BCKDHB: variants seen among roughly 807,000 people sequenced by gnomAD.
BCKDHB encodes the protein branched chain keto acid dehydrogenase E1 subunit beta, also known as 2-oxoisovalerate dehydrogenase subunit beta, mitochondrial.
BCKDHB carries 41 observed loss-of-function variants against 48.5 expected under a neutral mutation model. The ratio of observed to expected loss-of-function variants is 0.85; its 90% CI spans 0.66 to 1.10. BCKDHB has a LOEUF of 1.10. Among genes scored for constraint, BCKDHB ranks in the 50% least tolerant of loss-of-function variants. BCKDHB has a pLI of 0.00. For synonymous variants in BCKDHB, 201 were observed against 174.8 expected (o/e 1.15, Z -1.18); for missense variants, 496 against 494.2 (o/e 1.00, Z -0.03).
chr6:80,266,990 ACC>A (rs1470845406), intron 8 of BCKDHB, among the ~76,000 whole-genome samples: 1 of 151,312 alleles, frequency 6.6e-6, no homozygotes, highest in African/African-American at 2.4e-5. Flanking sequence ...GACCACCACC[ACC>A]CCCCGCCCAT....
At chr6:80,142,382 A>G (rs939136125) in intron 3 of BCKDHB, among the ~76,000 whole-genome samples, 1 of 152,076 alleles carries the variant, frequency 6.6e-6, no homozygotes, top group Non-Finnish European at 1.5e-5. Flanking sequence ...ATGTCAGGTA[A>G]TGTGTGACTT....
chr6:80,428,604 G>T, the BCKDHB span, among the ~76,000 whole-genome samples: 1 of 152,084 alleles, frequency 6.6e-6, no homozygotes, highest in Admixed American at 6.5e-5. Flanking sequence ...ATTTTGATTA[G>T]CATTTCTCTA....
intron 9 of BCKDHB, among the ~76,000 whole-genome samples, chr6:80,318,102 C>G (rs1413990648): frequency 6.6e-6 from 1 of 152,146 alleles, no homozygotes; most frequent in Non-Finnish European, 1.5e-5. Context: ...AATCCACAAC[C>G]TTATCATTCC....
the BCKDHB span, among the ~76,000 whole-genome samples, chr6:80,382,642 G>A: frequency 0.96 from 145,407 of 152,144 alleles, 69,850 homozygotes; most frequent in Middle Eastern, 1. Context: ...ATTCTTCCCA[G>A]TTCTCTCTTT....
chr6:80,440,714 A>G, the BCKDHB span: 3 of 151,158 alleles, frequency 2.0e-5, no homozygotes, highest in African/African-American at 7.3e-5. Context: ...CTAAGGACTC[A>G]TTAGCTGGTT....
At chr6:80,303,366 A>G (rs917983540) in intron 9 of BCKDHB, among the ~76,000 whole-genome samples, 4 of 152,108 alleles carry the variant, frequency 2.6e-5, no homozygotes, top group South Asian at 2.1e-4. Context: ...TTGTAACTGA[A>G]TAAGTCTGGC....
intron 3 of BCKDHB, among the ~76,000 whole-genome samples, chr6:80,150,198 T>A (rs1343325664): frequency 6.6e-6 from 1 of 152,190 alleles, no homozygotes; most frequent in Non-Finnish European, 1.5e-5. Context: ...CCTGCTCATC[T>A]TCTTATAGCC....
the BCKDHB span, among the ~76,000 whole-genome samples, chr6:80,399,765 CA>C: frequency 4.3e-4 from 66 of 151,944 alleles, no homozygotes; most frequent in Admixed American, 2.0e-3. Flanking sequence ...CTTAGGGAAC[CA>C]AAAATTAGCC....
At chr6:80,378,481 T>C in the BCKDHB span, among the ~76,000 whole-genome samples, 1 of 152,020 alleles carries the variant, frequency 6.6e-6, no homozygotes. Context: ...ATATATAATA[T>C]AAAGAAAACG....
the BCKDHB span, among the ~76,000 whole-genome samples, chr6:80,401,616 T>G: frequency 2.6e-3 from 397 of 151,908 alleles, 4 homozygotes; most frequent in African/African-American, 9.1e-3. Context: ...GAAAATGGAC[T>G]AATGCATTAA....
chr6:80,404,687 G>A, the BCKDHB span, among the ~76,000 whole-genome samples: 1 of 151,770 alleles, frequency 6.6e-6, no homozygotes, highest in African/African-American at 2.4e-5. Flanking sequence ...TTTTCTTAAT[G>A]TATGTTGTTA....
At chr6:80,228,696 G>T (rs1207521882) in intron 8 of BCKDHB, among the ~76,000 whole-genome samples, 1 of 152,106 alleles carries the variant, frequency 6.6e-6, no homozygotes, top group Non-Finnish European at 1.5e-5. Context: ...GGGGGGTTTT[G>T]TGATAGCCAG....
chr6:80,294,612 C>T (rs1242780956), intron 9 of BCKDHB, among the ~76,000 whole-genome samples: 1 of 152,106 alleles, frequency 6.6e-6, no homozygotes, highest in Non-Finnish European at 1.5e-5. Context: ...TGGGGGAGGT[C>T]TATAAACGAC....
chr6:80,396,320 G>A, the BCKDHB span, among the ~76,000 whole-genome samples: 2 of 152,198 alleles, frequency 1.3e-5, no homozygotes, highest in African/African-American at 2.4e-5. Flanking sequence ...TAAAATGGAT[G>A]TATTTACCCA....
intron 1 of BCKDHB, among the ~76,000 whole-genome samples, chr6:80,114,686 C>G (rs1769592721): frequency 6.6e-6 from 1 of 152,138 alleles, no homozygotes; most frequent in Non-Finnish European, 1.5e-5. Context: ...GTGCCGTTTG[C>G]TAAGATGGAA....
intron 8 of BCKDHB, among the ~76,000 whole-genome samples, chr6:80,212,805 C>G (rs995559795): frequency 9.2e-5 from 14 of 152,200 alleles, no homozygotes; most frequent in African/African-American, 2.7e-4. Flanking sequence ...CTGTTAGGCA[C>G]TACTCAAATA....
chr6:80,359,685 C>T, the BCKDHB span, among the ~76,000 whole-genome samples: 1 of 152,130 alleles, frequency 6.6e-6, no homozygotes, highest in Non-Finnish European at 1.5e-5. Context: ...ACCTCTGCCT[C>T]CCTGGTTCAA....
chr6:80,201,631 G>A (rs1198085136), intron 7 of BCKDHB, among the ~76,000 whole-genome samples: 1 of 151,982 alleles, frequency 6.6e-6, no homozygotes, highest in East Asian at 1.9e-4. Flanking sequence ...TGCTGCTCAC[G>A]TGGACCCATC....
chr6:80,107,281 A>G (rs2127699971), intron 1 of BCKDHB, among the ~76,000 whole-genome samples: 1 of 129,244 alleles, frequency 7.7e-6, no homozygotes, highest in Non-Finnish European at 1.7e-5. Flanking sequence ...AGGTAGAGGC[A>G]TTTAAAAGAT....
Sources: allele counts gnomAD v4.1 joint callset (sites outside exome capture counted in the v4.1 genomes callset), GRCh38; gene constraint gnomAD v4.1.1; transcripts MANE v1.5; gene names NCBI Gene and HGNC (gene_info 2026-07-23, HGNC 2026-07-21).